ODAD2: variants seen among roughly 807,000 people sequenced by gnomAD.
ODAD2 encodes outer dynein arm docking complex subunit 2.
A neutral mutation model predicts 106.8 loss-of-function variants in ODAD2; 89 were observed. The observed-to-expected ratio is 0.83, with a 90% confidence interval of 0.70 to 0.99. ODAD2 has a LOEUF of 0.99. ODAD2 is among the 50% of genes least tolerant of loss of function. ODAD2 has a pLI of 0.00. For synonymous variants in ODAD2, 404 were observed against 436.2 expected, an observed-to-expected ratio of 0.93 and a Z score of 0.92; for missense variants, 1,168 against 1,238.5, an observed-to-expected ratio of 0.94 and a Z score of 0.85.
At chr10:27,991,443 G>A (rs190667884) in intron 2 of ODAD2, among the ~76,000 whole-genome samples, 307 of 152,344 alleles carry the variant, frequency 2.0e-3, no homozygotes, top group Non-Finnish European at 3.7e-3. Context: ...CCTTTCCAGT[G>A]TGTGACTAAA....
chr10:27,923,786 A>T (rs1435621336), intron 16 of ODAD2, among the ~76,000 whole-genome samples: 1 of 151,816 alleles, frequency 6.6e-6, no homozygotes, highest in Non-Finnish European at 1.5e-5. Flanking sequence ...CATCTCTACA[A>T]AAAATTTTTG....
At chr10:27,934,538 T>TC (rs1304334415) in intron 16 of ODAD2, among the ~76,000 whole-genome samples, 1 of 151,882 alleles carries the variant, frequency 6.6e-6, no homozygotes, top group African/African-American at 2.4e-5. Context: ...TGTCTTTTCT[T>TC]CCTAATTAGA....
chr10:27,976,007 T>C (rs898881035), intron 7 of ODAD2, among the ~76,000 whole-genome samples: 1 of 152,180 alleles, frequency 6.6e-6, no homozygotes. Context: ...TCAAAGCAAT[T>C]AATCACATTA....
intron 19 of ODAD2, among the ~76,000 whole-genome samples, chr10:27,832,407 A>G (rs1015862308): frequency 3.3e-5 from 5 of 152,084 alleles, no homozygotes; most frequent in Admixed American, 6.5e-5. Context: ...CTAGAAGCAT[A>G]CTGTCCAGGA....
chr10:27,873,147 G>T (rs4694144), intron 17 of ODAD2, among the ~76,000 whole-genome samples: 4 of 148,982 alleles, frequency 2.7e-5, no homozygotes, highest in African/African-American at 7.5e-5. Context: ...TTGTGTGGAG[G>T]TGTTTATAGT....
intron 9 of ODAD2, among the ~76,000 whole-genome samples, chr10:27,964,083 A>G (rs1280396970): frequency 6.6e-6 from 1 of 152,188 alleles, no homozygotes; most frequent in Non-Finnish European, 1.5e-5. Context: ...TTAGCTGGGT[A>G]TGGTGGCGTG....
chr10:27,855,317 C>T (rs187491197), intron 19 of ODAD2, among the ~76,000 whole-genome samples: 1 of 152,282 alleles, frequency 6.6e-6, no homozygotes, highest in East Asian at 1.9e-4. Context: ...TTCTTTCTCA[C>T]TTTACAGGAG....
At chr10:27,990,651 T>C (rs1448409336) in intron 2 of ODAD2, among the ~76,000 whole-genome samples, 1 of 152,236 alleles carries the variant, frequency 6.6e-6, no homozygotes, top group East Asian at 1.9e-4. Flanking sequence ...GCAATAATTA[T>C]TGTCTCATAA....
At chr10:27,923,817 C>T (rs185495957) in intron 16 of ODAD2, among the ~76,000 whole-genome samples, 11 of 151,832 alleles carry the variant, frequency 7.2e-5, no homozygotes, top group African/African-American at 2.7e-4. Context: ...GATGTGGAGG[C>T]ACATACCTGT....
At chr10:27,890,966 G>A (rs1842520340) in intron 17 of ODAD2, among the ~76,000 whole-genome samples, 1 of 152,042 alleles carries the variant, frequency 6.6e-6, no homozygotes, top group Non-Finnish European at 1.5e-5. Flanking sequence ...TTGATTATTT[G>A]GCACCATGTC....
chr10:27,946,329 C>T (rs138802068), intron 10 of ODAD2, among the ~76,000 whole-genome samples: 6 of 151,268 alleles, frequency 4.0e-5, no homozygotes, highest in African/African-American at 1.2e-4. Context: ...CTCCATAGCA[C>T]GAGCTTGTGC....
chr10:27,974,133 G>A, intron 7 of ODAD2, among the ~76,000 whole-genome samples: 1 of 152,080 alleles, frequency 6.6e-6, no homozygotes, highest in South Asian at 2.1e-4. Context: ...GGGGTTGTTT[G>A]TTTTTCTCTT....
chr10:27,952,518 A>T (rs1479076487), intron 10 of ODAD2, among the ~76,000 whole-genome samples: 2 of 152,060 alleles, frequency 1.3e-5, no homozygotes, highest in African/African-American at 4.8e-5. Flanking sequence ...TCAGCCCCAC[A>T]TGCACTGGCT....
At chr10:27,824,805 G>C (rs1808311791) in intron 19 of ODAD2, among the ~76,000 whole-genome samples, 1 of 152,148 alleles carries the variant, frequency 6.6e-6, no homozygotes, top group African/African-American at 2.4e-5. Context: ...TCTGTTGTTA[G>C]ATCCATTTTC....
chr10:27,861,502 A>G (rs1840037934), intron 18 of ODAD2, among the ~76,000 whole-genome samples: 1 of 152,208 alleles, frequency 6.6e-6, no homozygotes, highest in South Asian at 2.1e-4. Context: ...TATTTATAGA[A>G]TATTAGATAT....
intron 10 of ODAD2, among the ~76,000 whole-genome samples, chr10:27,961,192 G>T (rs969967619): frequency 6.6e-6 from 1 of 152,124 alleles, no homozygotes; most frequent in African/African-American, 2.4e-5. Flanking sequence ...AAACTGTAAC[G>T]TTTCAACAGC....
At chr10:27,941,207 G>A (rs1846395810) in intron 12 of ODAD2, among the ~76,000 whole-genome samples, 1 of 152,088 alleles carries the variant, frequency 6.6e-6, no homozygotes, top group South Asian at 2.1e-4. Context: ...GACCTGTCCA[G>A]GAACACTGGC....
At chr10:27,847,539 G>C (rs199983222) in intron 19 of ODAD2, among the ~76,000 whole-genome samples, 89,639 of 151,014 alleles carry the variant, frequency 0.59, 26,913 homozygotes, top group Middle Eastern at 0.7. Flanking sequence ...TCTCACCCCT[G>C]CTATTCAACA....
intron 19 of ODAD2, among the ~76,000 whole-genome samples, chr10:27,837,739 A>G (rs1458217915): frequency 3.3e-5 from 5 of 152,230 alleles, no homozygotes; most frequent in African/African-American, 9.6e-5. Flanking sequence ...ACAAAGACGT[A>G]GAGAATCAAG....
Sources: allele counts gnomAD v4.1 joint callset (sites outside exome capture counted in the v4.1 genomes callset), GRCh38; gene constraint gnomAD v4.1.1; transcripts MANE v1.5; gene names NCBI Gene and HGNC (gene_info 2026-07-23, HGNC 2026-07-21).